PIK3CB: variants seen among roughly 807,000 people sequenced by gnomAD.
The protein encoded by PIK3CB is phosphatidylinositol-4,5-bisphosphate 3-kinase catalytic subunit beta.
PIK3CB carries 39 observed loss-of-function variants against 136.8 expected under a neutral mutation model. The observed-to-expected ratio is 0.29, with a 90% CI of 0.22 to 0.37. The LOEUF (loss-of-function observed/expected upper bound fraction) is 0.37, where lower values mean the gene tolerates loss of function less well. PIK3CB is among the 10% of genes least tolerant of loss of function. The pLI is 1.00. For missense variants in PIK3CB, 868 were observed against 1,275.4 expected (o/e 0.68, Z 4.87); for synonymous variants, 428 against 436.6 (o/e 0.98, Z 0.25).
At chr3:138,755,563 A>C (rs1055217854) in intron 4 of PIK3CB, among the ~76,000 whole-genome samples, 191 bp downstream of exon 4, 6 of 152,178 alleles carry the variant, frequency 3.9e-5, no homozygotes, top group African/African-American at 1.4e-4. Flanking sequence ...GCAATATCAT[A>C]TTGCTAAAGG....
intron 4 of PIK3CB, among the ~76,000 whole-genome samples, chr3:138,746,901 T>G (rs1200488707): frequency 6.6e-6 from 1 of 150,552 alleles, no homozygotes; most frequent in Admixed American, 6.6e-5. Context: ...TCACAAAAAG[T>G]GCAAGGTTTA....
chr3:138,803,473 C>T (rs972934760), intron 1 of PIK3CB, among the ~76,000 whole-genome samples: 5 of 152,192 alleles, frequency 3.3e-5, no homozygotes, highest in African/African-American at 1.2e-4. Context: ...TTACTGAACA[C>T]AGGACACACA....
intron 4 of PIK3CB, among the ~76,000 whole-genome samples, chr3:138,743,407 T>C (rs939024412): frequency 1.3e-5 from 2 of 152,228 alleles, no homozygotes; most frequent in Admixed American, 6.5e-5. Context: ...TTTCAGTTCA[T>C]TGTGATTTTT....
intron 4 of PIK3CB, among the ~76,000 whole-genome samples, chr3:138,749,636 C>A (rs916827455): frequency 2.0e-5 from 3 of 152,126 alleles, no homozygotes; most frequent in Non-Finnish European, 2.9e-5. Flanking sequence ...TAATCAATTT[C>A]TTTTCCTTGA....
At chr3:138,777,681 T>G (rs2045875098) in intron 2 of PIK3CB, among the ~76,000 whole-genome samples, 1 of 152,152 alleles carries the variant, frequency 6.6e-6, no homozygotes, top group African/African-American at 2.4e-5. Flanking sequence ...AATATATCAT[T>G]GCAGCATGAC....
intron 2 of PIK3CB, among the ~76,000 whole-genome samples, 156 bp from the exon 3 acceptor site, chr3:138,759,515 A>G (rs903685969): frequency 7.9e-5 from 12 of 152,224 alleles, no homozygotes; most frequent in African/African-American, 2.7e-4. Flanking sequence ...TTTAAAAACC[A>G]AGAGTAAGTC....
chr3:138,660,001 TC>T (rs2043264821), intron 21 of PIK3CB, among the ~76,000 whole-genome samples: 1 of 150,416 alleles, frequency 6.6e-6, no homozygotes, highest in African/African-American at 2.4e-5. Context: ...TTCTGGAATA[TC>T]CATTAGGCTG....
chr3:138,760,443 C>T (rs907602873), intron 2 of PIK3CB, among the ~76,000 whole-genome samples: 1 of 152,152 alleles, frequency 6.6e-6, no homozygotes, highest in African/African-American at 2.4e-5. Context: ...TCAAAACAAA[C>T]GCACTATCCC....
intron 19 of PIK3CB, among the ~76,000 whole-genome samples, chr3:138,680,700 T>C (rs2043754489): frequency 6.6e-6 from 1 of 152,066 alleles, no homozygotes; most frequent in Non-Finnish European, 1.5e-5. Context: ...TTTTTTTTAA[T>C]TTTTTGAGAC....
In PIK3CB at chr3:138,655,388, G is replaced by GT; in HGVS notation, c.3213dup. ...AATACATTAGGAGCGAAGGCTGATCGTTAAGATCTGTAGTCTTTCCGAACT... is the reference window on the plus strand; with the variant it reads ...AATACATTAGGAGCGAAGGCTGATCGTTTAAGATCTGTAGTCTTTCCGAACT... On this transcript the variant is annotated 3_prime_UTR_variant, in exon 24 of 24. Coordinates refer to ENST00000674063, the MANE Select transcript of PIK3CB (RefSeq NM_006219.3). The GT allele has an allele frequency of 6.2e-7, 1 of 1,613,846 alleles. No individual in the cohort carries two copies. Among genetic ancestry groups the GT allele is most frequent in the Non-Finnish European group, 8.5e-7 (1 of 1,179,876 alleles).
intron 12 of PIK3CB, among the ~76,000 whole-genome samples, chr3:138,703,661 C>T (rs2044305601): frequency 6.6e-6 from 1 of 151,710 alleles, no homozygotes. Flanking sequence ...AATATAGCAA[C>T]CCAAGTCAAC....
chr3:138,776,748 T>C (rs1400713645), intron 2 of PIK3CB, among the ~76,000 whole-genome samples: 1 of 151,436 alleles, frequency 6.6e-6, no homozygotes, highest in Admixed American at 6.6e-5. Context: ...ATGGGCAACA[T>C]GGTAAAACCC....
rs2108377429 is a variant in PIK3CB at position 138,654,199 on chromosome 3, C to T, written c.*1190G>A. ...CTCCCAATATTCTTTGGAGAATAAG[C>T]AGTAGTTTTGCTGGATGTTGCCAGG... On this transcript the variant is annotated 3_prime_UTR_variant, in exon 24 of 24. Transcript: ENST00000674063. 1 of 211,468 alleles carries T rather than the reference C, an allele frequency of 4.7e-6. No homozygotes were observed. The highest frequency in any genetic ancestry group is 7.2e-5 in the East Asian group (1 of 13,910). The allele number at this position is 211,468 out of a possible 1,614,324, so 13.1% of individuals were successfully genotyped here.
chr3:138,756,858 T>C (rs1177005447), intron 3 of PIK3CB, among the ~76,000 whole-genome samples: 3 of 152,026 alleles, frequency 2.0e-5, no homozygotes, highest in Non-Finnish European at 4.4e-5. Flanking sequence ...TTAAAACTTC[T>C]GTACAGCAAA....
chr3:138,684,815 G>C lies in PIK3CB; in HGVS notation c.2137-12C>G. ...TTGAGTGCTTCAACCTGAAAAATAA[G>C]TTCCCCACACCAAAAATTCATTTGA... is the stretch of plus-strand genomic sequence containing the variant. On this transcript the variant is annotated splice_polypyrimidine_tract_variant and intron_variant, in intron 16 of 23. Coordinates refer to ENST00000674063, the MANE Select transcript of PIK3CB (RefSeq NM_006219.3). 1.3e-6 allele frequency: 2 copies of C among 1,596,254 alleles called. No homozygotes were observed. Among genetic ancestry groups the C allele is most frequent in the Non-Finnish European group, 1.7e-6 (2 of 1,169,608 alleles).
intron 14 of PIK3CB, among the ~76,000 whole-genome samples, chr3:138,693,988 A>T (rs1400378186): frequency 3.6e-5 from 4 of 112,034 alleles, no homozygotes; most frequent in African/African-American, 1.1e-4. Flanking sequence ...ATATATATAT[A>T]TATATTTTAA....
intron 15 of PIK3CB, among the ~76,000 whole-genome samples, chr3:138,690,527 T>C (rs2043985804): frequency 6.6e-6 from 1 of 152,060 alleles, no homozygotes; most frequent in Admixed American, 6.5e-5. Context: ...AGAAATTGAA[T>C]AAAATTGCTG....
chr3:138,817,751 A>G (rs1278310710), intron 1 of PIK3CB, among the ~76,000 whole-genome samples: 1 of 152,174 alleles, frequency 6.6e-6, no homozygotes, highest in Non-Finnish European at 1.5e-5. Context: ...CAGAATGTAT[A>G]GGAAGTAAAA....
chr3:138,663,383 T>A (rs1317421247), intron 21 of PIK3CB, among the ~76,000 whole-genome samples: 3 of 152,192 alleles, frequency 2.0e-5, no homozygotes, highest in Admixed American at 2.0e-4. Flanking sequence ...AAAAATTTTT[T>A]CAATAATTTT....
Sources: gnomAD v4.1 joint callset for allele counts (sites outside exome capture counted in the v4.1 genomes callset) on GRCh38, gnomAD v4.1.1 for gene constraint, MANE v1.5 for transcripts, NCBI Gene and HGNC (gene_info 2026-07-23, HGNC 2026-07-21) for gene names.